Variants in TBC1D22A observed in about 807,000 individuals in gnomAD.
TBC1D22A encodes TBC1 domain family member 22A.
In TBC1D22A, 38 loss-of-function variants were observed where a neutral mutation model predicts 60.2. The observed-to-expected ratio is 0.63, with a 90% CI of 0.49 to 0.83. The LOEUF (loss-of-function observed/expected upper bound fraction) is 0.83, where lower values mean the gene tolerates loss of function less well. TBC1D22A is among the 40% of genes least tolerant of loss of function. The pLI is 0.00. For missense variants in TBC1D22A, 628 were observed against 701.0 expected (o/e 0.90, Z 1.18); for synonymous variants, 302 against 281.7 (o/e 1.07, Z -0.72).
intron 5 of TBC1D22A, among the ~76,000 whole-genome samples, chr22:46,882,052 A>C (rs564249524): frequency 6.6e-6 from 1 of 152,298 alleles, no homozygotes; most frequent in African/African-American, 2.4e-5. Flanking sequence ...CTCAGCAGGG[A>C]AGGGGTCTCC....
intron 1 of TBC1D22A, among the ~76,000 whole-genome samples, chr22:46,784,836 G>A (rs1033978854): frequency 2.0e-5 from 3 of 152,144 alleles, no homozygotes; most frequent in South Asian, 2.1e-4. Context: ...TGTGATATAC[G>A]GTTATCTCAT....
intron 12 of TBC1D22A, among the ~76,000 whole-genome samples, chr22:47,170,717 C>T (rs1228820471): frequency 2.2e-5 from 3 of 137,590 alleles, no homozygotes; most frequent in African/African-American, 1.0e-4. Flanking sequence ...CCTCCTGATG[C>T]AGGACCGGAG....
At chr22:46,896,560 G>A (rs1018054624) in intron 7 of TBC1D22A, among the ~76,000 whole-genome samples, 11 of 152,118 alleles carry the variant, frequency 7.2e-5, no homozygotes, top group Non-Finnish European at 1.0e-4. Context: ...CTGGGACAGT[G>A]GCAGTCCCCA....
chr22:47,012,743 C>T (rs765540346), intron 10 of TBC1D22A, among the ~76,000 whole-genome samples: 97 of 152,332 alleles, frequency 6.4e-4, no homozygotes, highest in Non-Finnish European at 1.2e-3. Context: ...ACTTCAGCCC[C>T]CTGCAGGACA....
At chr22:47,118,894 G>A (rs1379091480) in intron 12 of TBC1D22A, among the ~76,000 whole-genome samples, 2 of 152,234 alleles carry the variant, frequency 1.3e-5, no homozygotes, top group Non-Finnish European at 2.9e-5. Flanking sequence ...GCTCACGCCT[G>A]TAATCCCAGC....
intron 4 of TBC1D22A, among the ~76,000 whole-genome samples, chr22:46,810,452 A>G (rs1414552043): frequency 1.5e-5 from 2 of 133,248 alleles, no homozygotes; most frequent in African/African-American, 5.3e-5. Context: ...CAAAAAAAAA[A>G]AAGTATATAT....
At chr22:46,921,296 G>A (rs1278690642) in intron 8 of TBC1D22A, among the ~76,000 whole-genome samples, 1 of 152,120 alleles carries the variant, frequency 6.6e-6, no homozygotes, top group Non-Finnish European at 1.5e-5. Context: ...GGGTCCATGT[G>A]TACTCAATAT....
At chr22:47,136,558 G>A (rs557035955) in intron 12 of TBC1D22A, among the ~76,000 whole-genome samples, 2 of 152,224 alleles carry the variant, frequency 1.3e-5, no homozygotes, top group Admixed American at 6.5e-5. Context: ...ACCCGGGGAC[G>A]GGGGACCAGG....
chr22:46,873,634 C>T (rs945382642), intron 4 of TBC1D22A, among the ~76,000 whole-genome samples: 2 of 152,106 alleles, frequency 1.3e-5, no homozygotes, highest in Non-Finnish European at 2.9e-5. Context: ...GGCCCAGGAT[C>T]CATTAGTTAC....
chr22:47,087,248 A>C (rs1388236576), intron 11 of TBC1D22A, among the ~76,000 whole-genome samples: 1 of 152,278 alleles, frequency 6.6e-6, no homozygotes, highest in Non-Finnish European at 1.5e-5. Flanking sequence ...AAAGGGTTAT[A>C]GTCTATATGG....
At position 47,174,111 on chromosome 22, in the gene TBC1D22A, G is replaced by A. The variant is rs1204494834; in HGVS notation, c.*485G>A. 1 of 156,272 alleles carries A rather than the reference G, an allele frequency of 6.4e-6. No homozygotes were observed. The highest frequency in any genetic ancestry group is 2.4e-5 in the African/African-American group (1 of 41,518). 9.7% of individuals were successfully genotyped at this position (156,272 alleles called of 1,614,324 possible). Reference sequence around the variant, plus strand: ...TAGACCGAGACGTTGCGCTGACCCGGGGTCTCTGTGCCGCGAGGTCCCCTC... The same window carrying A: ...TAGACCGAGACGTTGCGCTGACCCGAGGTCTCTGTGCCGCGAGGTCCCCTC... On this transcript the variant is annotated 3_prime_UTR_variant, in exon 13 of 13. Coordinates refer to ENST00000337137, the MANE Select transcript of TBC1D22A (RefSeq NM_014346.5).
chr22:47,128,824 G>A (rs1163728643), intron 12 of TBC1D22A, among the ~76,000 whole-genome samples: 3 of 152,182 alleles, frequency 2.0e-5, no homozygotes, highest in African/African-American at 7.2e-5. Context: ...TGCGTCCGAG[G>A]CAGATGGGCC....
At chr22:46,965,847 T>C (rs1285419790) in intron 8 of TBC1D22A, among the ~76,000 whole-genome samples, 1 of 152,206 alleles carries the variant, frequency 6.6e-6, no homozygotes, top group Non-Finnish European at 1.5e-5. Flanking sequence ...ATCTTCCTCC[T>C]GTGCCTCAGC....
At position 47,174,586 on chromosome 22, in the gene TBC1D22A, G is replaced by A. The variant is rs1278973520; in HGVS notation, c.*960G>A. ...TCCTTGTCCAGGTCTGCCAGGTGTAGGGGAGGTGTGACTGGTTCCATCATG... is the reference window on the plus strand; with the variant it reads ...TCCTTGTCCAGGTCTGCCAGGTGTAAGGGAGGTGTGACTGGTTCCATCATG... On this transcript the variant is annotated 3_prime_UTR_variant, in exon 13 of 13. Coordinates refer to ENST00000337137, the MANE Select transcript of TBC1D22A (RefSeq NM_014346.5). The A allele has an allele frequency of 6.6e-6, 1 of 152,162 alleles. No individual in the cohort carries two copies. The highest frequency in any genetic ancestry group is 2.4e-5 in the African/African-American group (1 of 41,428). The allele number at this position is 152,162 out of a possible 1,614,324, so 9.4% of individuals were successfully genotyped here. A position where few individuals can be genotyped will look rare whatever the true frequency, so the allele number is the denominator to read the frequency against.
At chr22:47,123,293 G>GCC (rs2066336818) in intron 12 of TBC1D22A, among the ~76,000 whole-genome samples, 1 of 152,156 alleles carries the variant, frequency 6.6e-6, no homozygotes. Flanking sequence ...CACCTGTGAA[G>GCC]CCCCCTTGCT....
In TBC1D22A at chr22:47,150,535, G is replaced by A. The variant is rs546750777; in HGVS notation, c.1426-22963G>A. On this transcript the variant is annotated intron_variant, in intron 12 of 12. Transcript: ENST00000337137. ...GTGGCCGGGCTTGCTGGGTGGCACCGGAGTCCCTGTGCCACGGTACTTCTG... is the reference window on the plus strand; with the variant it reads ...GTGGCCGGGCTTGCTGGGTGGCACCAGAGTCCCTGTGCCACGGTACTTCTG... 3.3e-5 allele frequency among the ~76,000 whole-genome samples: 5 copies of A among 152,278 alleles called. No homozygotes were observed. The South Asian group carries it at 1.0e-3, about 32-fold the overall frequency.
intron 4 of TBC1D22A, among the ~76,000 whole-genome samples, chr22:46,876,676 G>A (rs953388868): frequency 6.6e-6 from 1 of 152,224 alleles, no homozygotes; most frequent in African/African-American, 2.4e-5. Context: ...TCAGCTGTCT[G>A]TGCTCAGTGG....
intron 4 of TBC1D22A, among the ~76,000 whole-genome samples, chr22:46,833,260 C>G (rs1333516269): frequency 1.3e-5 from 2 of 152,192 alleles, no homozygotes; most frequent in African/African-American, 4.8e-5. Flanking sequence ...TTGGACCATA[C>G]TTATAGGAAG....
intron 4 of TBC1D22A, among the ~76,000 whole-genome samples, chr22:46,862,416 T>G (rs1235063364): frequency 1.3e-5 from 2 of 151,810 alleles, no homozygotes; most frequent in African/African-American, 4.8e-5. Flanking sequence ...GATTTGGAGA[T>G]TTTCTCTTGC....
Sources: gnomAD v4.1 joint callset for allele counts (sites outside exome capture counted in the v4.1 genomes callset) on GRCh38, gnomAD v4.1.1 for gene constraint, MANE v1.5 for transcripts, NCBI Gene and HGNC (gene_info 2026-07-23, HGNC 2026-07-21) for gene names.